Variants in FUT8 observed in about 807,000 individuals in gnomAD.
The protein encoded by FUT8 is fucosyltransferase 8, also known as alpha-(1,6)-fucosyltransferase.
A neutral mutation model predicts 71.3 loss-of-function variants in FUT8; 29 were observed. The observed-to-expected ratio is 0.41, with a 90% confidence interval of 0.30 to 0.55. FUT8 has a LOEUF of 0.55. FUT8 is among the 20% of genes least tolerant of loss of function. The pLI is 0.34. For missense variants in FUT8, 544 were observed against 702.1 expected (o/e 0.77, Z 2.55); for synonymous variants, 254 against 239.3 (o/e 1.06, Z -0.57).
intron 1 of FUT8, among the ~76,000 whole-genome samples, chr14:65,427,340 C>T (rs1457427841): frequency 6.6e-6 from 1 of 152,142 alleles, no homozygotes; most frequent in Non-Finnish European, 1.5e-5. Context: ...TATGGTAGTT[C>T]TATTTTTAAT....
intron 2 of FUT8, among the ~76,000 whole-genome samples, chr14:65,545,204 C>T (rs926443163): frequency 1.3e-5 from 2 of 151,694 alleles, no homozygotes; most frequent in Admixed American, 6.6e-5. Context: ...ACCCTTTTCC[C>T]GTATAGGGAG....
chr14:65,505,975 A>T (rs1395775385), intron 2 of FUT8, among the ~76,000 whole-genome samples: 1 of 152,176 alleles, frequency 6.6e-6, no homozygotes, highest in African/African-American at 2.4e-5. Context: ...CCTAGCTACT[A>T]ATTTTGTAAT....
At chr14:65,431,055 G>A (rs1366902453) in intron 1 of FUT8, among the ~76,000 whole-genome samples, 2 of 149,580 alleles carry the variant, frequency 1.3e-5, no homozygotes, top group Non-Finnish European at 3.0e-5. Context: ...GAGTGCAGTG[G>A]CGCGATCTCG....
At chr14:65,544,285 TCA>T (rs1884858330) in intron 2 of FUT8, among the ~76,000 whole-genome samples, 2 of 152,188 alleles carry the variant, frequency 1.3e-5, no homozygotes, top group Admixed American at 1.3e-4. Flanking sequence ...TGTGTACAAA[TCA>T]CTTTTATGCA....
At chr14:65,540,213 C>G (rs888486652) in intron 2 of FUT8, among the ~76,000 whole-genome samples, 1 of 152,130 alleles carries the variant, frequency 6.6e-6, no homozygotes, top group Non-Finnish European at 1.5e-5. Context: ...CATGATGCCC[C>G]TAAAGTTCAT....
At chr14:65,562,133 A>G (rs1157250982) in intron 3 of FUT8, among the ~76,000 whole-genome samples, 1 of 152,136 alleles carries the variant, frequency 6.6e-6, no homozygotes, top group African/African-American at 2.4e-5. Flanking sequence ...AAACCCTGAT[A>G]TAATTTCTCC....
intron 7 of FUT8, among the ~76,000 whole-genome samples, chr14:65,716,808 A>G (rs1459028565): frequency 6.6e-6 from 1 of 151,658 alleles, no homozygotes; most frequent in African/African-American, 2.4e-5. Flanking sequence ...CTCACTTCCC[A>G]GACGGGGCGG....
chr14:65,740,600 AG>A (rs1225010617), intron 10 of FUT8, among the ~76,000 whole-genome samples: 3 of 152,020 alleles, frequency 2.0e-5, no homozygotes, highest in African/African-American at 7.2e-5. Flanking sequence ...GGGAGGTCTC[AG>A]GCAACTTACA....
chr14:65,567,195 A>G (rs1351124589), intron 3 of FUT8, among the ~76,000 whole-genome samples: 2 of 151,974 alleles, frequency 1.3e-5, no homozygotes, highest in African/African-American at 4.8e-5. Flanking sequence ...TGTTTGGTCT[A>G]GGAAAGGAGA....
intron 2 of FUT8, among the ~76,000 whole-genome samples, chr14:65,556,010 C>A (rs1885568808): frequency 6.6e-6 from 1 of 152,222 alleles, no homozygotes; most frequent in South Asian, 2.1e-4. Context: ...TTCTGTCCTG[C>A]AACTTGAATG....
At chr14:65,685,913 T>C (rs749431200) in intron 7 of FUT8, among the ~76,000 whole-genome samples, 2 of 152,254 alleles carry the variant, frequency 1.3e-5, no homozygotes, top group Non-Finnish European at 2.9e-5. Context: ...CTGGCTTCTT[T>C]ATGCAAGTTG....
chr14:65,742,530 T>TA lies in FUT8; in HGVS notation c.*121dup. On this transcript the variant is annotated 3_prime_UTR_variant, in exon 11 of 11. Transcript: ENST00000673929. ...AACAAAATAAGGTTATATGAGTAGA[T>TA]ACTCTCAGCACCAAGAGCAGCTGGG... is the stretch of plus-strand genomic sequence containing the variant. 2.5e-6 allele frequency: 2 copies of TA among 794,120 alleles called. No individual in the cohort carries two copies. The highest frequency in any genetic ancestry group is 3.9e-6 in the Non-Finnish European group (2 of 508,046). 49.2% of individuals were successfully genotyped at this position (794,120 alleles called of 1,614,324 possible). A position where few individuals can be genotyped will look rare whatever the true frequency, so the allele number is the denominator to read the frequency against.
chr14:65,385,345 A>C, the FUT8 span, among the ~76,000 whole-genome samples: 1 of 99,900 alleles, frequency 1.0e-5, no homozygotes, highest in Non-Finnish European at 2.0e-5. Context: ...TGTATGCACT[A>C]TGCTTAAAAA....
Position 65,561,394 on chromosome 14 carries a change from A to C in FUT8, c.-170A>C. 1 of 630,390 alleles carries C rather than the reference A, an allele frequency of 1.6e-6. No individual in the cohort carries two copies. The highest frequency in any genetic ancestry group is 2.8e-6 in the Non-Finnish European group (1 of 355,972). 39.0% of individuals were successfully genotyped at this position (630,390 alleles called of 1,614,324 possible). A position where few individuals can be genotyped will look rare whatever the true frequency, so the allele number is the denominator to read the frequency against. ...GCTTCCTACACATATCACCAGGAGG[A>C]TCTCTTTGAAAGATTCACTGCAGGA... On this transcript the variant is annotated 5_prime_UTR_variant, in exon 3 of 11. Transcript: ENST00000673929.
chr14:65,571,095 G>A (rs975637502), intron 3 of FUT8, among the ~76,000 whole-genome samples: 3 of 152,060 alleles, frequency 2.0e-5, no homozygotes, highest in African/African-American at 4.8e-5. Context: ...GTGATTCTGG[G>A]TGCTGCTGGA....
upstream of FUT8, among the ~76,000 whole-genome samples, chr14:65,409,614 A>G (rs1233337243): frequency 6.6e-6 from 1 of 152,206 alleles, no homozygotes; most frequent in Non-Finnish European, 1.5e-5. This position sits in a 1 kb window ranked among gnomAD's most constrained non-coding sequence, Gnocchi z 5.4. Flanking sequence ...ATTAACTTTG[A>G]TCTAGCTAAT....
chr14:65,577,501 A>T (rs1338787382), intron 3 of FUT8, among the ~76,000 whole-genome samples: 2 of 152,222 alleles, frequency 1.3e-5, no homozygotes, highest in Admixed American at 1.3e-4. Context: ...GATTAAAAAA[A>T]TAGAAGATTT....
chr14:65,451,103 G>A (rs868657409), intron 1 of FUT8, among the ~76,000 whole-genome samples: 3 of 152,210 alleles, frequency 2.0e-5, no homozygotes, highest in Admixed American at 6.5e-5. Flanking sequence ...TGATCCGCCC[G>A]CCTCAGCCTC....
chr14:65,433,497 C>A (rs1212489462), intron 1 of FUT8, among the ~76,000 whole-genome samples: 1 of 152,118 alleles, frequency 6.6e-6, no homozygotes, highest in Non-Finnish European at 1.5e-5. Flanking sequence ...TATGCTATTG[C>A]CTTTCTTCAG....
Sources: gnomAD v4.1 joint callset for allele counts (sites outside exome capture counted in the v4.1 genomes callset) on GRCh38, gnomAD v4.1.1 for gene constraint, Gnocchi (gnomAD v3.1) non-coding constraint, MANE v1.5 for transcripts, NCBI Gene and HGNC (gene_info 2026-07-23, HGNC 2026-07-21) for gene names.